The following PCDH9 variants were observed in gnomAD, a reference collection of about 807,000 sequenced individuals.
PCDH9 encodes protocadherin-9.
In PCDH9, 24 loss-of-function variants were observed where a neutral mutation model predicts 70.6. That is an observed-to-expected ratio of 0.34 (90% CI 0.25 to 0.48). The LOEUF (loss-of-function observed/expected upper bound fraction) is 0.48. PCDH9 is among the 20% of genes least tolerant of loss of function. The pLI is 0.99. For synonymous variants in PCDH9, 562 were observed against 558.5 expected (o/e 1.01, Z -0.09); for missense variants, 1,281 against 1,503.6 (o/e 0.85, Z 2.45).
intron 4 of PCDH9, among the ~76,000 whole-genome samples, chr13:66,390,571 A>G (rs1957000490): frequency 6.6e-6 from 1 of 152,070 alleles, no homozygotes; most frequent in Non-Finnish European, 1.5e-5. Context: ...CCCCATCTAT[A>G]CTAAAAATAC....
At chr13:66,312,926 A>G (rs1171001887) in intron 4 of PCDH9, among the ~76,000 whole-genome samples, 1 of 152,234 alleles carries the variant, frequency 6.6e-6, no homozygotes, top group Non-Finnish European at 1.5e-5. Context: ...TCCAAATACA[A>G]TAACACATGG....
At chr13:66,674,103 T>G (rs914236020) in intron 3 of PCDH9, among the ~76,000 whole-genome samples, 6 of 152,114 alleles carry the variant, frequency 3.9e-5, no homozygotes, top group Non-Finnish European at 5.9e-5. Flanking sequence ...AATTTTTGAA[T>G]CTCCTTCAAA....
chr13:66,809,797 C>T (rs2080472256), intron 3 of PCDH9, among the ~76,000 whole-genome samples: 1 of 151,974 alleles, frequency 6.6e-6, no homozygotes, highest in Non-Finnish European at 1.5e-5. Context: ...AAAGAGGGTG[C>T]TTAATGAATA....
intron 4 of PCDH9, among the ~76,000 whole-genome samples, chr13:66,420,835 T>C (rs1285645369): frequency 1.3e-5 from 2 of 152,048 alleles, no homozygotes; most frequent in Non-Finnish European, 2.9e-5. Flanking sequence ...AGAATGAGTT[T>C]GACTAATTGA....
chr13:66,670,527 C>T (rs2078159571), intron 3 of PCDH9, among the ~76,000 whole-genome samples: 2 of 152,048 alleles, frequency 1.3e-5, no homozygotes, highest in Admixed American at 6.6e-5. Flanking sequence ...ACTTATCCAA[C>T]TTGGTGGCAT....
At chr13:66,579,611 T>C (rs1305431809) in intron 4 of PCDH9, among the ~76,000 whole-genome samples, 2 of 151,992 alleles carry the variant, frequency 1.3e-5, no homozygotes, top group Non-Finnish European at 2.9e-5. Context: ...ATTGTGGCAA[T>C]AAAATTATAG....
intron 2 of PCDH9, among the ~76,000 whole-genome samples, chr13:66,908,724 C>G (rs548109923): frequency 2.6e-5 from 4 of 151,874 alleles, no homozygotes; most frequent in African/African-American, 9.6e-5. Flanking sequence ...ATACTCACAG[C>G]CTTTTCTTTA....
chr13:66,333,022 T>C (rs1955970961), intron 4 of PCDH9, among the ~76,000 whole-genome samples: 1 of 152,048 alleles, frequency 6.6e-6, no homozygotes. Flanking sequence ...TTGGTTTATA[T>C]TTAACCTAAA....
intron 3 of PCDH9, among the ~76,000 whole-genome samples, chr13:66,853,357 T>G (rs2081345629): frequency 6.6e-6 from 1 of 152,074 alleles, no homozygotes; most frequent in African/African-American, 2.4e-5. Context: ...ATTTCAGATC[T>G]CAGTGTTTCC....
chr13:67,028,335 G>A (rs1387986242), intron 2 of PCDH9, among the ~76,000 whole-genome samples: 20 of 140,582 alleles, frequency 1.4e-4, no homozygotes, highest in African/African-American at 2.9e-4. Flanking sequence ...ACCAAACACC[G>A]CATATTCTCA....
At chr13:66,371,859 G>A (rs1956660436) in intron 4 of PCDH9, among the ~76,000 whole-genome samples, 1 of 151,992 alleles carries the variant, frequency 6.6e-6, no homozygotes, top group Non-Finnish European at 1.5e-5. Flanking sequence ...TGGTTTGTTT[G>A]TTTCCCTCAT....
At chr13:66,809,372 G>T (rs1215941216) in intron 3 of PCDH9, among the ~76,000 whole-genome samples, 1 of 152,012 alleles carries the variant, frequency 6.6e-6, no homozygotes, top group Admixed American at 6.6e-5. Context: ...GACAAAACAG[G>T]CAAAATGACA....
chr13:67,092,597 G>A (rs970459278), intron 2 of PCDH9, among the ~76,000 whole-genome samples: 1 of 152,088 alleles, frequency 6.6e-6, no homozygotes, highest in African/African-American at 2.4e-5. Flanking sequence ...CCGGACTGAG[G>A]AGACAGTTTC....
chr13:67,145,414 G>A (rs549672218), intron 2 of PCDH9, among the ~76,000 whole-genome samples: 3 of 151,834 alleles, frequency 2.0e-5, no homozygotes, highest in Non-Finnish European at 4.4e-5. Context: ...GGAATGTTGA[G>A]GGATTTTGTG....
intron 2 of PCDH9, chr13:67,220,486 A>C (rs562821392): frequency 1.3e-5 from 2 of 152,140 alleles, no homozygotes; most frequent in African/African-American, 4.8e-5. Context: ...GTATGAAATC[A>C]TAAGAAGATA....
At chr13:66,537,339 A>T (rs879478831) in intron 4 of PCDH9, among the ~76,000 whole-genome samples, 1 of 152,110 alleles carries the variant, frequency 6.6e-6, no homozygotes, top group Non-Finnish European at 1.5e-5. Context: ...CGTCCATATT[A>T]ACTATTTAAT....
At chr13:66,847,759 T>C (rs1272774254) in intron 3 of PCDH9, among the ~76,000 whole-genome samples, 1 of 152,154 alleles carries the variant, frequency 6.6e-6, no homozygotes, top group Non-Finnish European at 1.5e-5. Context: ...AATCTTCTAC[T>C]AAGTGACTAA....
At chr13:66,585,354 C>T (rs1342212527) in intron 4 of PCDH9, among the ~76,000 whole-genome samples, 1 of 151,712 alleles carries the variant, frequency 6.6e-6, no homozygotes, top group African/African-American at 2.4e-5. Flanking sequence ...AGTACCTTTA[C>T]CATCCCCCCC....
intron 2 of PCDH9, among the ~76,000 whole-genome samples, chr13:67,195,624 C>T (rs564145439): frequency 4.6e-5 from 7 of 152,064 alleles, no homozygotes; most frequent in Non-Finnish European, 1.0e-4. Flanking sequence ...AGAAATTATT[C>T]ATATTTCTGG....
Sources: gnomAD v4.1 joint callset for allele counts (sites outside exome capture counted in the v4.1 genomes callset) on GRCh38, gnomAD v4.1.1 for gene constraint, MANE v1.5 for transcripts, NCBI Gene and HGNC (gene_info 2026-07-23, HGNC 2026-07-21) for gene names.